Variants in CNTN5 observed in about 807,000 individuals in gnomAD.
The protein encoded by CNTN5 is contactin 5, also known as contactin-5.
In CNTN5, 77 loss-of-function variants were observed where a neutral mutation model predicts 129.1. The ratio of observed to expected loss-of-function variants is 0.60; its 90% CI spans 0.50 to 0.72. The LOEUF (loss-of-function observed/expected upper bound fraction) is 0.72. Among genes scored for constraint, CNTN5 ranks in the 30% least tolerant of loss-of-function variants. The probability of loss-of-function intolerance (pLI) is 0.00; values close to 1 mark genes in which losing one functional copy is unlikely to be tolerated. For missense variants in CNTN5, 1,478 were observed against 1,328.8 expected (o/e 1.11, Z -1.75); for synonymous variants, 509 against 465.6 (o/e 1.09, Z -1.20).
intron 3 of CNTN5, among the ~76,000 whole-genome samples, chr11:99,802,883 C>T (rs1837765): frequency 0.035 from 5,312 of 152,214 alleles, 134 homozygotes; most frequent in South Asian, 0.097. Context: ...TAATGCAACA[C>T]CATCTATGCA....
intron 6 of CNTN5, among the ~76,000 whole-genome samples, chr11:99,905,863 G>A (rs878976772): frequency 6.6e-6 from 1 of 152,106 alleles, no homozygotes; most frequent in Non-Finnish European, 1.5e-5. Flanking sequence ...CACATCCCTT[G>A]TGAGATATGT....
intron 4 of CNTN5, among the ~76,000 whole-genome samples, chr11:99,821,052 C>A (rs568929288): frequency 1.3e-5 from 2 of 152,290 alleles, no homozygotes; most frequent in African/African-American, 2.4e-5. Flanking sequence ...AAAGTACTTA[C>A]ATTTAATATA....
chr11:99,966,322 T>G (rs1951092196), intron 8 of CNTN5, among the ~76,000 whole-genome samples: 1 of 152,194 alleles, frequency 6.6e-6, no homozygotes, highest in South Asian at 2.1e-4. Flanking sequence ...GAACAAAAAT[T>G]GCTTGTAGGT....
At chr11:99,038,463 A>T (rs942570352) in intron 1 of CNTN5, among the ~76,000 whole-genome samples, 24 of 152,140 alleles carry the variant, frequency 1.6e-4, no homozygotes, top group Admixed American at 6.6e-5. Flanking sequence ...TAGCTATTAT[A>T]AACTATACAT....
At position 99,912,050 on chromosome 11, in the gene CNTN5, T is replaced by C. The variant is rs527322518; in HGVS notation, c.578-4004T>C. ...TGTTTTATTTGTTTACTTATTATTATTGAGGCAGATACATATTTTAAGCTA... is the reference window on the plus strand; with the variant it reads ...TGTTTTATTTGTTTACTTATTATTACTGAGGCAGATACATATTTTAAGCTA... On this transcript the variant is annotated intron_variant, in intron 6 of 24. Coordinates refer to ENST00000524871, the MANE Select transcript of CNTN5 (RefSeq NM_014361.4). Among the ~76,000 whole-genome samples, 29 of 152,114 alleles carry C rather than the reference T, an allele frequency of 1.9e-4. No homozygotes were observed. The East Asian group carries it at 5.2e-3, about 27-fold the overall frequency.
At chr11:99,247,044 A>G (rs1861845676) in intron 1 of CNTN5, among the ~76,000 whole-genome samples, 1 of 152,178 alleles carries the variant, frequency 6.6e-6, no homozygotes, top group South Asian at 2.1e-4. Context: ...AGAAAGTCAA[A>G]ATGACATAAC....
intron 9 of CNTN5, among the ~76,000 whole-genome samples, chr11:100,037,449 C>T (rs1382538775): frequency 6.6e-6 from 1 of 151,904 alleles, no homozygotes; most frequent in Admixed American, 6.6e-5. Flanking sequence ...TGTGTCTCTG[C>T]CCGGGTTTGG....
chr11:99,890,515 ATGAC>A (rs1373971930), intron 6 of CNTN5, among the ~76,000 whole-genome samples: 1 of 152,048 alleles, frequency 6.6e-6, no homozygotes, highest in Non-Finnish European at 1.5e-5. Context: ...ATATACATAT[ATGAC>A]TGAAACATAC....
intron 12 of CNTN5, among the ~76,000 whole-genome samples, chr11:100,073,190 G>C (rs1039083140): frequency 6.6e-6 from 1 of 151,736 alleles, no homozygotes; most frequent in Non-Finnish European, 1.5e-5. Flanking sequence ...GAGACTACAG[G>C]CACCCACAGC....
In CNTN5 at chr11:100,045,117, C is replaced by CAT. The variant is rs565940113; in HGVS notation, c.981-16095_981-16094insAT. Among the ~76,000 whole-genome samples the CAT allele has an allele frequency of 1.7e-3, 258 of 150,114 alleles. 4 individuals carry two copies. Among genetic ancestry groups the CAT allele is most frequent in the Non-Finnish European group, 3.3e-4 (22 of 67,400 alleles). On this transcript the variant is annotated intron_variant, in intron 9 of 24. Transcript: ENST00000524871. ...ACCCAAAGCCTTGTCTTCCATATTA[C>CAT]TTTTTTTTTTCTATTCATTCTCGAT...
At chr11:99,249,721 AC>A (rs1187904399) in intron 1 of CNTN5, among the ~76,000 whole-genome samples, 1 of 152,016 alleles carries the variant, frequency 6.6e-6, no homozygotes, top group Non-Finnish European at 1.5e-5. Flanking sequence ...ATATATTGAT[AC>A]CTGAGATTTA....
intron 9 of CNTN5, among the ~76,000 whole-genome samples, chr11:100,044,346 G>A (rs1942550036): frequency 6.6e-6 from 1 of 152,022 alleles, no homozygotes; most frequent in South Asian, 2.1e-4. Flanking sequence ...TAGATACCCA[G>A]CAATGAAATT....
intron 1 of CNTN5, among the ~76,000 whole-genome samples, chr11:99,284,074 C>T (rs188352142): frequency 1.5e-3 from 229 of 152,218 alleles, no homozygotes; most frequent in Non-Finnish European, 1.7e-3. Flanking sequence ...TGACTCTATA[C>T]ACATTCCAAG....
intron 1 of CNTN5, among the ~76,000 whole-genome samples, chr11:99,169,977 G>C (rs1041905476): frequency 1.3e-5 from 2 of 151,996 alleles, no homozygotes; most frequent in Non-Finnish European, 2.9e-5. Context: ...AAAATTAATA[G>C]TCAATGGGAA....
intron 3 of CNTN5, among the ~76,000 whole-genome samples, chr11:99,599,489 G>A (rs1201060832): frequency 1.3e-5 from 2 of 152,010 alleles, no homozygotes; most frequent in Non-Finnish European, 2.9e-5. Context: ...TAAGTTACTT[G>A]TCATTTTGAT....
At chr11:99,567,146 G>A (rs1296908571) in intron 3 of CNTN5, among the ~76,000 whole-genome samples, 1 of 152,034 alleles carries the variant, frequency 6.6e-6, no homozygotes, top group Non-Finnish European at 1.5e-5. Context: ...CTGTCTATAG[G>A]TGTTACCTAG....
Position 99,038,347 on chromosome 11 carries a change from T to TA in CNTN5, c.-210+17077_-210+17078insA, listed in dbSNP as rs551738742. Among the ~76,000 whole-genome samples the TA allele has an allele frequency of 7.9e-4, 120 of 152,340 alleles. 1 individual carries two copies. Among genetic ancestry groups the TA allele is most frequent in the African/African-American group, 2.7e-3 (111 of 41,580 alleles). ...ACACATTGATGTTTTGATAACATCA[T>TA]TGATGTTACATATACTGTAGAGTGA... On this transcript the variant is annotated intron_variant, in intron 1 of 24. Transcript: ENST00000524871.
intron 3 of CNTN5, among the ~76,000 whole-genome samples, chr11:99,794,915 T>C (rs550558770): frequency 7.2e-5 from 11 of 152,176 alleles, no homozygotes; most frequent in Non-Finnish European, 1.5e-4. Context: ...ATGGCTGTCC[T>C]GTATAATATC....
chr11:99,521,990 T>C (rs1947292391), intron 2 of CNTN5, among the ~76,000 whole-genome samples: 1 of 152,120 alleles, frequency 6.6e-6, no homozygotes, highest in African/African-American at 2.4e-5. Context: ...TAGCAGAGAT[T>C]TAAAGCTTGG....
Sources: allele counts gnomAD v4.1 joint callset (sites outside exome capture counted in the v4.1 genomes callset), GRCh38; gene constraint gnomAD v4.1.1; transcripts MANE v1.5; gene names NCBI Gene and HGNC (gene_info 2026-07-23, HGNC 2026-07-21).